The following ADAT1 variants were observed in gnomAD, a reference collection of about 807,000 sequenced individuals.
ADAT1 encodes the protein tRNA-specific adenosine deaminase 1.
In ADAT1, 58 loss-of-function variants were observed where a neutral mutation model predicts 58.6. The ratio of observed to expected loss-of-function variants is 0.99; its 90% CI spans 0.80 to 1.23. The LOEUF is 1.23. Ranked by LOEUF, ADAT1 falls within the 50% of genes most tolerant of loss-of-function variation. The pLI is 0.00. For missense variants in ADAT1, 741 were observed against 608.6 expected (o/e 1.22, Z -2.29); for synonymous variants, 254 against 220.8 (o/e 1.15, Z -1.33).
At chr16:75,609,124 CA>C in intron 6 of ADAT1, 136 bp from the exon 7 acceptor site, 1 of 1,029,108 alleles carries the variant, frequency 9.7e-7, no homozygotes, top group Non-Finnish European at 1.4e-6. Flanking sequence ...GACAGTGTTT[CA>C]GAATAGAATC....
intron 6 of ADAT1, 21 bp from the exon 7 acceptor site, chr16:75,609,009 A>G (rs2081444401): frequency 6.2e-7 from 1 of 1,614,026 alleles, no homozygotes; most frequent in East Asian, 2.2e-5. Flanking sequence ...GGGAAAATGC[A>G]TTCAGTTTAG....
intron 8 of ADAT1, among the ~76,000 whole-genome samples, chr16:75,604,028 G>A (rs924590434): frequency 6.6e-6 from 1 of 152,086 alleles, no homozygotes; most frequent in Non-Finnish European, 1.5e-5. Flanking sequence ...GCTCTCCCAG[G>A]GCCTTAGCTG....
At chr16:75,613,710 A>C (rs2081619971) in intron 5 of ADAT1, among the ~76,000 whole-genome samples, 1 of 152,226 alleles carries the variant, frequency 6.6e-6, no homozygotes, top group African/African-American at 2.4e-5. Flanking sequence ...ACTAAATGCC[A>C]ATAGGACTAC....
rs757953387 is a variant in ADAT1, at chr16:75,612,913, A to C, written c.425-52T>G. 1.2e-3 allele frequency: 1,842 copies of C among 1,542,996 alleles called. 3 individuals carry two copies. The highest frequency in any genetic ancestry group is 0.01 in the Admixed American group (513 of 48,928). ...AATGGTTCTCAAGTGAGGTCCCTGG[A>C]CCAGCCACAATGGGATCTCTTGGGA... On this transcript the variant is annotated intron_variant, in intron 5 of 9. Transcript: ENST00000564657.
Position 75,612,627 on chromosome 16 carries a change from T to A in ADAT1, c.659A>T (p.Lys220Met), listed in dbSNP as rs1343219005. The A allele has an allele frequency of 1.9e-6, 3 of 1,613,950 alleles. No individual in the cohort carries two copies. In the African/African-American group the frequency reaches 4.0e-5, roughly 22 times the overall value. The change falls in exon 6 of 10, where the codon AAG becomes ATG. Residue 220 changes from lysine to methionine, a missense_variant. Lys to Met is a moderately conservative substitution (Grantham distance 95, BLOSUM62 -1). Transcript: ENST00000564657. ...TGGTGAGATTGGGCCACTTTTCTGC[T>A]TGCCAAAACTCTGATGGTGAGCTGC... ...NGAAHHQSFG[K>M]QKSGPISPGI...
At chr16:75,620,891 T>A in intron 1 of ADAT1, 71 bp from the exon 2 acceptor site, 1 of 1,342,036 alleles carries the variant, frequency 7.5e-7, no homozygotes, top group Non-Finnish European at 1.0e-6. Context: ...GCCTCTCATA[T>A]CCATGCTTCG....
chr16:75,609,518 A>G (rs2081464042), intron 6 of ADAT1, among the ~76,000 whole-genome samples: 1 of 152,168 alleles, frequency 6.6e-6, no homozygotes, highest in South Asian at 2.1e-4. Context: ...AAAACAAAAA[A>G]CCAACATCTT....
chr16:75,620,170 C>T, intron 3 of ADAT1, 96 bp downstream of exon 3: 1 of 1,218,534 alleles, frequency 8.2e-7, no homozygotes, highest in Non-Finnish European at 1.2e-6. Flanking sequence ...ATGCCATGCA[C>T]CTCAACTGAC....
intron 5 of ADAT1, among the ~76,000 whole-genome samples, chr16:75,614,392 T>C (rs1220919802): frequency 6.6e-6 from 1 of 152,166 alleles, no homozygotes; most frequent in Non-Finnish European, 1.5e-5. Flanking sequence ...AGAAGAAAAC[T>C]AGAGGTCAGT....
rs1054715104 is a variant in ADAT1, at chr16:75,622,536, G to T, written c.-155C>A. ...CAGGTAGAAGTTGCCAGAAGAAACA[G>T]TGACTCTCTTTAAGATGAAGCAGCC... On this transcript the variant is annotated 5_prime_UTR_variant, in exon 1 of 10. It adds an upstream start codon to the 5' untranslated region. Coordinates refer to ENST00000564657, the MANE Select transcript of ADAT1 (RefSeq NM_001324445.2). 3 of 152,162 alleles carry T rather than the reference G, an allele frequency of 2.0e-5. No individual in the cohort carries two copies. The highest frequency in any genetic ancestry group is 4.8e-5 in the African/African-American group (2 of 41,424). The allele number at this position is 152,162 out of a possible 1,614,324, so 9.4% of individuals were successfully genotyped here. A position where few individuals can be genotyped will look rare whatever the true frequency, so the allele number is the denominator to read the frequency against.
intron 1 of ADAT1, among the ~76,000 whole-genome samples, chr16:75,621,176 A>G (rs2081921325): frequency 6.6e-6 from 1 of 152,048 alleles, no homozygotes; most frequent in Non-Finnish European, 1.5e-5. Context: ...AAAGGGTTGC[A>G]GACTCACTTG....
In ADAT1 at chr16:75,622,404, T is replaced by A. The variant is rs141994476; in HGVS notation, c.-23A>T. 2.0e-5 allele frequency: 3 copies of A among 152,190 alleles called. No homozygotes were observed. Among genetic ancestry groups the A allele is most frequent in the Admixed American group, 1.3e-4 (2 of 15,294 alleles). The allele number at this position is 152,190 out of a possible 1,614,324, so 9.4% of individuals were successfully genotyped here. The stretch of plus-strand genomic sequence containing the variant: ...AATCCTCGTTTGGAAGGGACTCACC[T>A]CTCATTTCTAGGGAGGCATCACAAG... On this transcript the variant is annotated splice_region_variant and 5_prime_UTR_variant, in exon 1 of 10. Transcript: ENST00000564657.
chr16:75,608,762 C>A (rs2151756799), intron 7 of ADAT1, 81 bp downstream of exon 7: 2 of 1,526,820 alleles, frequency 1.3e-6, no homozygotes, highest in South Asian at 1.3e-5. Context: ...CCTTCCTAGG[C>A]TGGGAGGATG....
At chr16:75,604,500 CACACACACACACACACACAT>C (rs1335834938) in intron 8 of ADAT1, among the ~76,000 whole-genome samples, 10 of 132,100 alleles carry the variant, frequency 7.6e-5, no homozygotes, top group South Asian at 2.5e-4. Context: ...CACACACACA[CACACACACACACACACACAT>C]ATATACATAT....
Position 75,599,561 on chromosome 16 carries a change from C to G in ADAT1, c.*655G>C, listed in dbSNP as rs1487810233. ...TGCCTTCATTCTTTGCTGGCTTTCT[C>G]TAGGTAGTAGGAAAAGATGGCCACC... On this transcript the variant is annotated 3_prime_UTR_variant, in exon 10 of 10. Coordinates refer to ENST00000564657, the MANE Select transcript of ADAT1 (RefSeq NM_001324445.2). The G allele has an allele frequency of 1.0e-6, 1 of 985,766 alleles. No individual in the cohort carries two copies. Among genetic ancestry groups the G allele is most frequent in the Admixed American group, 6.2e-5 (1 of 16,258 alleles). The allele number at this position is 985,766 out of a possible 1,614,324, so 61.1% of individuals were successfully genotyped here.
At position 75,607,515 on chromosome 16, in the gene ADAT1, A is replaced by C. The variant is rs1275727173; in HGVS notation, c.1289+709T>G. ...AGACTCTATCTCAAAAAAAAAAAAAAAAGACTGTAATGAGATACCATTTCA... is the reference window on the plus strand; with the variant it reads ...AGACTCTATCTCAAAAAAAAAAAAACAAGACTGTAATGAGATACCATTTCA... On this transcript the variant is annotated intron_variant, in intron 8 of 9. Transcript: ENST00000564657. Among the ~76,000 whole-genome samples, 3 of 151,940 alleles carry C rather than the reference A, an allele frequency of 2.0e-5. No homozygotes were observed. In the South Asian group the frequency reaches 6.2e-4, roughly 32 times the overall value.
At position 75,620,327 on chromosome 16, in the gene ADAT1, C is replaced by T. The variant is rs2081890315; in HGVS notation, c.177G>A (p.Lys59=). 2 of 1,613,976 alleles carry T rather than the reference C, an allele frequency of 1.2e-6. No homozygotes were observed. Among genetic ancestry groups the T allele is most frequent in the Admixed American group, 1.7e-5 (1 of 60,010 alleles). ...DTPDKPVQVT[K]EVVSMGTGTK... ...TTCCTGTTCCCATTGACACAACTTC[C>T]TTTGTCACTGTGGGAAAAAAACAAA... Residue 59 remains lysine (K), a synonymous_variant, in exon 3 of 10, where the codon AAG becomes AAA. Transcript: ENST00000564657.
intron 3 of ADAT1, 78 bp from the exon 4 acceptor site, chr16:75,618,718 G>A (rs1219013533): frequency 6.5e-6 from 10 of 1,544,260 alleles, no homozygotes; most frequent in Non-Finnish European, 8.8e-6. Context: ...GAACACAGCA[G>A]TCCCACCAGC....
At chr16:75,620,606 G>A in intron 2 of ADAT1, 25 bp downstream of exon 2, 1 of 1,610,358 alleles carries the variant, frequency 6.2e-7, no homozygotes, top group Non-Finnish European at 8.5e-7. Context: ...ACAGTGAGGA[G>A]CATGCCAAGA....
Sources: gnomAD v4.1 joint callset for allele counts (sites outside exome capture counted in the v4.1 genomes callset) on GRCh38, gnomAD v4.1.1 for gene constraint, MANE v1.5 for transcripts, NCBI Gene and HGNC (gene_info 2026-07-23, HGNC 2026-07-21) for gene names.